The following CAPN13 variants were observed in gnomAD, a reference collection of about 807,000 sequenced individuals.
CAPN13 encodes the protein calpain 13, also known as calpain-13.
In CAPN13, 90 loss-of-function variants were observed where a neutral mutation model predicts 98.4. The observed-to-expected ratio is 0.92, with a 90% CI of 0.77 to 1.09. The LOEUF (loss-of-function observed/expected upper bound fraction) is 1.09, where lower values mean the gene tolerates loss of function less well. CAPN13 is among the 50% of genes least tolerant of loss of function. CAPN13 has a pLI of 0.00. For missense variants in CAPN13, 887 were observed against 841.3 expected (o/e 1.05, Z -0.67); for synonymous variants, 330 against 305.5 (o/e 1.08, Z -0.84).
intron 7 of CAPN13, among the ~76,000 whole-genome samples, chr2:30,762,157 G>C (rs1222374827): frequency 6.6e-6 from 1 of 152,226 alleles, no homozygotes; most frequent in African/African-American, 2.4e-5. Context: ...GTCCAGGCCA[G>C]CTGTCTCTCA....
intron 10 of CAPN13, 150 bp downstream of exon 10, chr2:30,752,903 C>T (rs1461924939): frequency 7.3e-6 from 6 of 827,520 alleles, no homozygotes; most frequent in East Asian, 4.9e-5. Context: ...GAGGAGCAGT[C>T]GCTGTCTCTT....
At chr2:30,777,867 A>G (rs771836035) in intron 2 of CAPN13, among the ~76,000 whole-genome samples, 2 of 152,224 alleles carry the variant, frequency 1.3e-5, no homozygotes, top group African/African-American at 2.4e-5. Context: ...GCATTAGCAT[A>G]CTACATGGAG....
At chr2:30,758,244 C>G in intron 7 of CAPN13, 107 bp from the exon 8 acceptor site, 1 of 755,900 alleles carries the variant, frequency 1.3e-6, no homozygotes. Flanking sequence ...TAACTTCTGA[C>G]CTCATTTGGC....
At chr2:30,726,739 A>G (rs901346495) in intron 22 of CAPN13, among the ~76,000 whole-genome samples, 1 of 152,154 alleles carries the variant, frequency 6.6e-6, no homozygotes, top group African/African-American at 2.4e-5. Context: ...AAAAATGAAG[A>G]GACGCATGGA....
At chr2:30,760,735 G>C (rs2148015072) in intron 7 of CAPN13, among the ~76,000 whole-genome samples, 1 of 152,342 alleles carries the variant, frequency 6.6e-6, no homozygotes, top group Admixed American at 6.5e-5. Flanking sequence ...GAGCCCTTGT[G>C]TCCCTCCTTT....
chr2:30,745,764 A>G (rs1364293683), intron 11 of CAPN13, 30 bp from the exon 12 acceptor site: 2 of 1,591,014 alleles, frequency 1.3e-6, no homozygotes, highest in African/African-American at 2.7e-5. Context: ...AGGCAGATTT[A>G]GGAACTCAGA....
In CAPN13 at chr2:30,743,558, G is replaced by A. The variant is rs374768590; in HGVS notation, c.1270C>T (p.Pro424Ser). Reference protein sequence around the residue: ...GSQRFREKFPPVFFSSFRNTV... With the variant: ...GSQRFREKFPSVFFSSFRNTV... Reference sequence around the variant, plus strand: ...TTTCTGAACGAGGAAAAAAACACGGGTGGAAATTTCTCCCGGAACCGCTGG... The same window carrying A: ...TTTCTGAACGAGGAAAAAAACACGGATGGAAATTTCTCCCGGAACCGCTGG... The change falls in exon 13 of 23, where the codon CCC becomes TCC. Residue 424 changes from proline to serine, a missense_variant. Transcript: ENST00000295055. The A allele has an allele frequency of 1.9e-6, 3 of 1,613,948 alleles. No homozygotes were observed. Among genetic ancestry groups the A allele is most frequent in the Non-Finnish European group, 2.5e-6 (3 of 1,179,876 alleles).
intron 15 of CAPN13, 33 bp downstream of exon 15, chr2:30,741,875 C>T (rs1273132981): frequency 6.2e-7 from 1 of 1,613,670 alleles, no homozygotes; most frequent in Non-Finnish European, 8.5e-7. Context: ...TTCTCCAATC[C>T]CACGTAAGGC....
intron 4 of CAPN13, among the ~76,000 whole-genome samples, chr2:30,770,851 C>T (rs1488701504): frequency 6.6e-6 from 1 of 152,136 alleles, no homozygotes; most frequent in Non-Finnish European, 1.5e-5. Flanking sequence ...GCAGGGCTAG[C>T]ATGAGAGAGG....
intron 13 of CAPN13, among the ~76,000 whole-genome samples, chr2:30,742,677 G>A (rs141184005): frequency 1.4e-4 from 21 of 152,238 alleles, no homozygotes; most frequent in African/African-American, 2.2e-4. Context: ...GTATGATGGC[G>A]GCCTGGCATG....
chr2:30,748,211 G>A (rs1406776212), intron 11 of CAPN13, among the ~76,000 whole-genome samples: 1 of 152,180 alleles, frequency 6.6e-6, no homozygotes, highest in African/African-American at 2.4e-5. Flanking sequence ...GGGCAGACCA[G>A]GGGCCTCAGT....
Position 30,807,133 on chromosome 2 carries a change from G to A in CAPN13, c.-33+169C>T, listed in dbSNP as rs560604270. On this transcript the variant is annotated intron_variant, in intron 1 of 22. Coordinates refer to ENST00000295055, the MANE Select transcript of CAPN13 (RefSeq NM_144575.3). ...TAGTTTTTCTTAAAGCATATCCTTG[G>A]ACCACCTGCATCAAAAAAACCCAGC... is the stretch of plus-strand genomic sequence containing the variant. 2.0e-3 allele frequency among the ~76,000 whole-genome samples: 309 copies of A among 152,146 alleles called. 2 individuals are homozygous for A. Among genetic ancestry groups the A allele is most frequent in the African/African-American group, 7.1e-3 (296 of 41,502 alleles).
chr2:30,744,373 G>A (rs140972892), intron 12 of CAPN13, among the ~76,000 whole-genome samples: 1 of 152,346 alleles, frequency 6.6e-6, no homozygotes, highest in Non-Finnish European at 1.5e-5. Context: ...TGGGAGGGTG[G>A]CATCTCCAAC....
At chr2:30,758,905 G>A (rs900688043) in intron 7 of CAPN13, among the ~76,000 whole-genome samples, 10 of 130,544 alleles carry the variant, frequency 7.7e-5, no homozygotes, top group African/African-American at 2.4e-4. Context: ...ACTCCCTCTC[G>A]TCTTCCCTTC....
At chr2:30,778,241 T>C (rs945598141) in intron 2 of CAPN13, among the ~76,000 whole-genome samples, 4 of 152,156 alleles carry the variant, frequency 2.6e-5, no homozygotes, top group Non-Finnish European at 4.4e-5. Flanking sequence ...GCCCGGTCCT[T>C]CCTTAACTTC....
chr2:30,767,781 T>C (rs17010228), intron 5 of CAPN13, among the ~76,000 whole-genome samples: 4,531 of 152,294 alleles, frequency 0.03, 187 homozygotes, highest in African/African-American at 0.086. Flanking sequence ...GGCACCTCAC[T>C]GTTTGGACTG....
At chr2:30,727,202 C>G (rs998949618) in intron 22 of CAPN13, among the ~76,000 whole-genome samples, 1 of 152,240 alleles carries the variant, frequency 6.6e-6, no homozygotes, top group Admixed American at 6.5e-5. Flanking sequence ...GATCAAAGAC[C>G]TAAATGTAAG....
In CAPN13 at chr2:30,743,321, C is replaced by T. The variant is rs1033647733; in HGVS notation, c.1445+62G>A. The T allele has an allele frequency of 1.9e-5, 27 of 1,433,232 alleles. No individual in the cohort carries two copies. In the African/African-American group the frequency reaches 2.9e-4, roughly 16 times the overall value. 88.8% of individuals were successfully genotyped at this position (1,433,232 alleles called of 1,614,324 possible). Reference sequence around the variant, plus strand: ...ATGCACAGAGAACTGCCCATAATTACACAATGTGTTTTTATAAAGTTAAGT... The same window carrying T: ...ATGCACAGAGAACTGCCCATAATTATACAATGTGTTTTTATAAAGTTAAGT... On this transcript the variant is annotated intron_variant, in intron 13 of 22. Coordinates refer to ENST00000295055, the MANE Select transcript of CAPN13 (RefSeq NM_144575.3).
At chr2:30,775,470 A>T (rs80229159) in intron 4 of CAPN13, among the ~76,000 whole-genome samples, 1,755 of 141,730 alleles carry the variant, frequency 0.012, 30 homozygotes, top group African/African-American at 0.045. Context: ...GGCTTTTTTT[A>T]AAAAAAATAG....
Sources: gnomAD v4.1 joint callset for allele counts (sites outside exome capture counted in the v4.1 genomes callset) on GRCh38, gnomAD v4.1.1 for gene constraint, MANE v1.5 for transcripts, NCBI Gene and HGNC (gene_info 2026-07-23, HGNC 2026-07-21) for gene names.